ODAD2: variants seen among roughly 807,000 people sequenced by gnomAD.
ODAD2 encodes the protein outer dynein arm docking complex subunit 2, also known as outer dynein arm-docking complex subunit 2.
In ODAD2, 89 loss-of-function variants were observed where a neutral mutation model predicts 106.8. The ratio of observed to expected loss-of-function variants is 0.83; its 90% CI spans 0.70 to 0.99. The LOEUF is 0.99. Ranked by LOEUF, ODAD2 falls within the 50% of genes least tolerant of loss-of-function variation. The pLI is 0.00. For synonymous variants in ODAD2, 404 were observed against 436.2 expected (o/e 0.93, Z 0.92); for missense variants, 1,168 against 1,238.5 (o/e 0.94, Z 0.85).
chr10:27,893,180 A>C (rs924108554), intron 17 of ODAD2, among the ~76,000 whole-genome samples: 24 of 152,298 alleles, frequency 1.6e-4, no homozygotes, highest in Admixed American at 1.6e-3. Context: ...AGAAGAAAAG[A>C]AAGAAAGAAA....
At chr10:27,908,024 A>G (rs907563900) in intron 16 of ODAD2, among the ~76,000 whole-genome samples, 2 of 152,192 alleles carry the variant, frequency 1.3e-5, no homozygotes, top group Non-Finnish European at 2.9e-5. Context: ...ATAAACTGAA[A>G]ATCAAGCCAT....
chr10:27,998,697 G>C (rs1437348077), intron 1 of ODAD2, among the ~76,000 whole-genome samples: 1 of 152,066 alleles, frequency 6.6e-6, no homozygotes, highest in East Asian at 1.9e-4. Flanking sequence ...GGGAGCAGGC[G>C]AGAGCGGCAG....
chr10:27,923,753 G>A (rs1231524124), intron 16 of ODAD2, among the ~76,000 whole-genome samples: 1 of 151,808 alleles, frequency 6.6e-6, no homozygotes, highest in Non-Finnish European at 1.5e-5. Flanking sequence ...TTCAAGACCA[G>A]CCTGGACAAC....
intron 17 of ODAD2, among the ~76,000 whole-genome samples, chr10:27,870,405 G>C (rs1234045574): frequency 6.6e-6 from 1 of 151,984 alleles, no homozygotes; most frequent in East Asian, 1.9e-4. Flanking sequence ...TGCTCAACAT[G>C]CAGGTTTGTT....
At position 27,831,986 on chromosome 10, in the gene ODAD2, A is replaced by C. The variant is rs1472311994; in HGVS notation, c.3022-19361T>G. ...CCACAGTGCATCATTGCTCCTGCAC[A>C]ACATTGGACTCACAGTCAAGCATAT... On this transcript the variant is annotated intron_variant, in intron 19 of 19. Transcript: ENST00000305242. Among the ~76,000 whole-genome samples, 3 of 152,342 alleles carry C rather than the reference A, an allele frequency of 2.0e-5. No individual in the cohort carries two copies. The South Asian group carries it at 6.2e-4, about 32-fold the overall frequency.
chr10:27,965,773 C>G (rs1848451989), intron 9 of ODAD2, among the ~76,000 whole-genome samples: 1 of 152,148 alleles, frequency 6.6e-6, no homozygotes, highest in Admixed American at 6.5e-5. Flanking sequence ...AGATGTTTAA[C>G]TTGGATTTAC....
At chr10:27,973,827 G>C (rs764226948) in intron 7 of ODAD2, among the ~76,000 whole-genome samples, 19 of 152,262 alleles carry the variant, frequency 1.2e-4, no homozygotes, top group Non-Finnish European at 2.5e-4. Context: ...TTAAATGGTA[G>C]TTCTGTTTTT....
chr10:27,817,299 G>A lies in ODAD2; in HGVS notation c.3022-4674C>T, dbSNP rs116673087. On this transcript the variant is annotated intron_variant, in intron 19 of 19. Coordinates refer to ENST00000305242, the MANE Select transcript of ODAD2 (RefSeq NM_018076.5). Reference sequence around the variant, plus strand: ...TGATCTATGGTTCAGAATTTTTATTGATCTCTTTGTTTATACCTCACTTTA... The same window carrying A: ...TGATCTATGGTTCAGAATTTTTATTAATCTCTTTGTTTATACCTCACTTTA... Among the ~76,000 whole-genome samples the A allele has an allele frequency of 7.7e-3, 1,174 of 152,144 alleles. 20 individuals are homozygous for A. The highest frequency in any genetic ancestry group is 0.027 in the African/African-American group (1,122 of 41,486).
At chr10:27,842,166 A>G (rs537272466) in intron 19 of ODAD2, among the ~76,000 whole-genome samples, 1 of 152,236 alleles carries the variant, frequency 6.6e-6, no homozygotes, top group African/African-American at 2.4e-5. Context: ...TTTCCTTTAC[A>G]GCATTCAGCA....
intron 16 of ODAD2, among the ~76,000 whole-genome samples, chr10:27,919,314 A>G (rs1333139725): frequency 2.6e-5 from 4 of 152,066 alleles, no homozygotes; most frequent in Non-Finnish European, 4.4e-5. Flanking sequence ...ACAGAATCCC[A>G]TGAACCTTAA....
At position 27,945,098 on chromosome 10, in the gene ODAD2, C is replaced by G. The variant is rs7915894; in HGVS notation, c.1387-136G>C. 1.4e-3 allele frequency: 1,418 copies of G among 988,744 alleles called. 19 individuals are homozygous for G. The African/African-American group carries it at 0.02, about 14-fold the overall frequency. 61.2% of individuals were successfully genotyped at this position (988,744 alleles called of 1,614,324 possible). A position where few individuals can be genotyped will look rare whatever the true frequency, so the allele number is the denominator to read the frequency against. ...ATTTGTTAAATGAATCAGGTAGAGCCGAAGCATGGAAAAGCTGTACAGAGC... is the reference window on the plus strand; with the variant it reads ...ATTTGTTAAATGAATCAGGTAGAGCGGAAGCATGGAAAAGCTGTACAGAGC... On this transcript the variant is annotated intron_variant, in intron 10 of 19. Coordinates refer to ENST00000305242, the MANE Select transcript of ODAD2 (RefSeq NM_018076.5).
At chr10:27,872,435 G>T (rs1341423088) in intron 17 of ODAD2, among the ~76,000 whole-genome samples, 1 of 151,774 alleles carries the variant, frequency 6.6e-6, no homozygotes, top group Non-Finnish European at 1.5e-5. Flanking sequence ...TCTTGTGCCA[G>T]TTTTCAAAGG....
intron 1 of ODAD2, among the ~76,000 whole-genome samples, chr10:27,996,256 T>A (rs1850553497): frequency 6.6e-6 from 1 of 152,228 alleles, no homozygotes; most frequent in South Asian, 2.1e-4. Context: ...AAAATTGGCT[T>A]TTTACTCCCA....
At position 27,885,768 on chromosome 10, in the gene ODAD2, A is replaced by ATATT. The variant is rs1337913966; in HGVS notation, c.2610+21894_2610+21895insAATA. Among the ~76,000 whole-genome samples the ATATT allele has an allele frequency of 5.6e-3, 255 of 45,522 alleles. 8 individuals are homozygous for ATATT. Among genetic ancestry groups the ATATT allele is most frequent in the African/African-American group, 0.018 (248 of 13,472 alleles). 29.9% of individuals were successfully genotyped at this position (45,522 alleles called of 152,430 possible). ...TATATATAATATATATTTTATATATATTATATAAAATATATATTATATATA... is the reference window on the plus strand; with the variant it reads ...TATATATAATATATATTTTATATATATATTTTATATAAAATATATATTATATATA... On this transcript the variant is annotated intron_variant, in intron 17 of 19. Coordinates refer to ENST00000305242, the MANE Select transcript of ODAD2 (RefSeq NM_018076.5).
At chr10:27,976,025 A>G (rs1374865099) in intron 7 of ODAD2, among the ~76,000 whole-genome samples, 1 of 152,148 alleles carries the variant, frequency 6.6e-6, no homozygotes, top group African/African-American at 2.4e-5. Context: ...TTAACAAACT[A>G]AAAGAGAGGA....
At chr10:27,977,649 A>G (rs1238241732) in intron 7 of ODAD2, among the ~76,000 whole-genome samples, 4 of 152,182 alleles carry the variant, frequency 2.6e-5, no homozygotes, top group African/African-American at 9.6e-5. Flanking sequence ...TGTATCTAAC[A>G]GAATATATAA....
intron 16 of ODAD2, among the ~76,000 whole-genome samples, chr10:27,931,455 T>G (rs561773128): frequency 6.6e-6 from 1 of 152,210 alleles, no homozygotes; most frequent in South Asian, 2.1e-4. Context: ...ATCATCTACT[T>G]TACTATTTTA....
intron 19 of ODAD2, among the ~76,000 whole-genome samples, chr10:27,814,660 G>A (rs1589732364): frequency 6.6e-6 from 1 of 152,100 alleles, no homozygotes; most frequent in Non-Finnish European, 1.5e-5. Flanking sequence ...TTGTCCATGG[G>A]CTCACATACT....
chr10:27,868,355 T>C (rs1840608361), intron 17 of ODAD2, among the ~76,000 whole-genome samples: 1 of 152,090 alleles, frequency 6.6e-6, no homozygotes, highest in South Asian at 2.1e-4. Context: ...ATATAAATCG[T>C]TCTATTATAA....
Sources: allele counts gnomAD v4.1 joint callset (sites outside exome capture counted in the v4.1 genomes callset), GRCh38; gene constraint gnomAD v4.1.1; transcripts MANE v1.5; gene names NCBI Gene and HGNC (gene_info 2026-07-23, HGNC 2026-07-21).